CDH13: variants seen among roughly 807,000 people sequenced by gnomAD.
The protein encoded by CDH13 is cadherin-13.
A neutral mutation model predicts 63.8 loss-of-function variants in CDH13; 24 were observed. The observed-to-expected ratio is 0.38, with a 90% CI of 0.27 to 0.53. CDH13 has a LOEUF of 0.53. Ranked by LOEUF, CDH13 falls within the 20% of genes least tolerant of loss-of-function variation. The pLI is 0.85. For missense variants in CDH13, 1,049 were observed against 903.1 expected (o/e 1.16, Z -2.07); for synonymous variants, 503 against 355.3 (o/e 1.42, Z -4.67).
chr16:82,684,405 C>T (rs1567624520), intron 1 of CDH13, among the ~76,000 whole-genome samples: 1 of 152,068 alleles, frequency 6.6e-6, no homozygotes, highest in Non-Finnish European at 1.5e-5. Flanking sequence ...TGGGTCAACT[C>T]ACATGAAGAG....
chr16:83,601,039 C>T (rs533245850), intron 7 of CDH13, among the ~76,000 whole-genome samples: 4 of 152,280 alleles, frequency 2.6e-5, no homozygotes, highest in South Asian at 2.1e-4. Flanking sequence ...CTTCACCTAA[C>T]TGTCAAACAC....
rs74550528 is a variant in CDH13 at position 83,567,385 on chromosome 16, C to T, written c.961-35069C>T. ...AATGAGTGCCCCCTTGAGTCCAGGG[C>T]GTACCTGTAAAATTGCAAATATCTG... On this transcript the variant is annotated intron_variant, in intron 7 of 13. Coordinates refer to ENST00000567109, the MANE Select transcript of CDH13 (RefSeq NM_001257.5). Among the ~76,000 whole-genome samples, 1,166 of 152,232 alleles carry T rather than the reference C, an allele frequency of 7.7e-3. 14 individuals are homozygous for T. Among genetic ancestry groups the T allele is most frequent in the African/African-American group, 0.027 (1,106 of 41,528 alleles).
rs117358740 is a variant in CDH13 at position 83,539,304 on chromosome 16, C to T, written c.960+52649C>T. Among the ~76,000 whole-genome samples the T allele has an allele frequency of 1.6e-3, 247 of 152,204 alleles. 3 individuals are homozygous for T. The East Asian group carries it at 0.036, about 22-fold the overall frequency. On this transcript the variant is annotated intron_variant, in intron 7 of 13. Transcript: ENST00000567109. Reference sequence around the variant, plus strand: ...CACGTGCAGTTCACAGTAGGGTTCACGCTTCTATGAGAATCTAATGCCATG... The same window carrying T: ...CACGTGCAGTTCACAGTAGGGTTCATGCTTCTATGAGAATCTAATGCCATG...
In CDH13 at chr16:82,986,939, G is replaced by C. The variant is rs550875312; in HGVS notation, c.158-45071G>C. Among the ~76,000 whole-genome samples, 20 of 152,288 alleles carry C rather than the reference G, an allele frequency of 1.3e-4. No homozygotes were observed. The South Asian group carries it at 3.9e-3, about 30-fold the overall frequency. ...TTTGGGTGAGTTAAGTCTATGGAAA[G>C]GGAACAGAAAACATGTGAGGAAACA... On this transcript the variant is annotated intron_variant, in intron 2 of 13. Coordinates refer to ENST00000567109, the MANE Select transcript of CDH13 (RefSeq NM_001257.5).
chr16:82,720,170 T>C (rs2032674709), intron 1 of CDH13, among the ~76,000 whole-genome samples: 2 of 152,020 alleles, frequency 1.3e-5, no homozygotes, highest in Admixed American at 1.3e-4. Flanking sequence ...TGAGTGACGG[T>C]GGTCGTAGTG....
At chr16:82,763,965 G>A (rs1293231997) in intron 1 of CDH13, among the ~76,000 whole-genome samples, 2 of 152,190 alleles carry the variant, frequency 1.3e-5, no homozygotes, top group Non-Finnish European at 2.9e-5. Flanking sequence ...GAGCCACTGT[G>A]CCTGGCCATC....
At chr16:82,775,933 C>T (rs1303362984) in intron 1 of CDH13, among the ~76,000 whole-genome samples, 1 of 152,110 alleles carries the variant, frequency 6.6e-6, no homozygotes, top group Non-Finnish European at 1.5e-5. Flanking sequence ...TATCAGGCTG[C>T]ATGCAGTGGC....
intron 3 of CDH13, among the ~76,000 whole-genome samples, chr16:83,118,311 C>T (rs1376668826): frequency 1.3e-5 from 2 of 152,120 alleles, no homozygotes; most frequent in South Asian, 2.1e-4. Flanking sequence ...GGCATATGTC[C>T]GTGGGTCTAG....
intron 6 of CDH13, among the ~76,000 whole-genome samples, chr16:83,384,362 C>T (rs1397718041): frequency 6.6e-6 from 1 of 152,186 alleles, no homozygotes; most frequent in Non-Finnish European, 1.5e-5. Context: ...ACTGGTCCTT[C>T]CTTTCTTCCC....
At chr16:82,827,953 T>C (rs753705563) in intron 1 of CDH13, among the ~76,000 whole-genome samples, 1 of 152,128 alleles carries the variant, frequency 6.6e-6, no homozygotes, top group Non-Finnish European at 1.5e-5. Context: ...TATCCAGTCA[T>C]CCTGGTTTGC....
At chr16:83,488,175 C>A (rs1056503408) in intron 7 of CDH13, among the ~76,000 whole-genome samples, 1 of 152,202 alleles carries the variant, frequency 6.6e-6, no homozygotes, top group Non-Finnish European at 1.5e-5. Context: ...GCTCAGCAGT[C>A]ATATGTGGTT....
intron 5 of CDH13, among the ~76,000 whole-genome samples, chr16:83,221,495 A>T (rs904279764): frequency 6.6e-6 from 1 of 152,160 alleles, no homozygotes; most frequent in African/African-American, 2.4e-5. Context: ...AAGTACTGTA[A>T]ATGATTCATG....
rs1239357581 is a variant in CDH13, at chr16:82,728,241, C to T, written c.45+101104C>T. ...ACACTGCTTCTCAGATGCAATCCTT[C>T]AATGGCACCCCATTTCTTGTAAAAA... On this transcript the variant is annotated intron_variant, in intron 1 of 13. Transcript: ENST00000567109. 2.0e-5 allele frequency among the ~76,000 whole-genome samples: 3 copies of T among 152,292 alleles called. No homozygotes were observed. In the East Asian group the frequency reaches 5.8e-4, roughly 29 times the overall value.
chr16:83,283,797 T>A (rs1166542918), intron 5 of CDH13, among the ~76,000 whole-genome samples: 1 of 152,200 alleles, frequency 6.6e-6, no homozygotes, highest in African/African-American at 2.4e-5. Context: ...ATTTACATCC[T>A]TTGGTCTTAG....
chr16:82,859,632 A>T (rs150854823), intron 2 of CDH13: 1 of 152,140 alleles, frequency 6.6e-6, no homozygotes, highest in African/African-American at 2.4e-5. Flanking sequence ...TTTTCAAGGA[A>T]GGTGATTCCA....
chr16:83,626,407 TGTA>T (rs1910309473), intron 8 of CDH13, among the ~76,000 whole-genome samples: 1 of 152,056 alleles, frequency 6.6e-6, no homozygotes, highest in African/African-American at 2.4e-5. Context: ...GTGCTTAGGA[TGTA>T]GTTGGCGCTC....
chr16:83,775,247 A>C (rs980540868), intron 11 of CDH13, among the ~76,000 whole-genome samples: 32 of 151,756 alleles, frequency 2.1e-4, no homozygotes, highest in African/African-American at 7.7e-4. Flanking sequence ...TCTTGCACCA[A>C]GCCTGGGCTT....
At chr16:82,714,607 A>G (rs748826849) in intron 1 of CDH13, among the ~76,000 whole-genome samples, 4 of 149,192 alleles carry the variant, frequency 2.7e-5, no homozygotes, top group Admixed American at 1.4e-4. Flanking sequence ...TCAGCTACTC[A>G]GGAGCCTGAG....
At chr16:83,133,646 G>A (rs1179073032) in intron 4 of CDH13, among the ~76,000 whole-genome samples, 1 of 152,042 alleles carries the variant, frequency 6.6e-6, no homozygotes, top group Admixed American at 6.6e-5. Context: ...TTACAGGTAT[G>A]CACCACCATG....
Sources: gnomAD v4.1 joint callset for allele counts (sites outside exome capture counted in the v4.1 genomes callset) on GRCh38, gnomAD v4.1.1 for gene constraint, MANE v1.5 for transcripts, NCBI Gene and HGNC (gene_info 2026-07-23, HGNC 2026-07-21) for gene names.